RPA3: variants seen among roughly 807,000 people sequenced by gnomAD.
The protein encoded by RPA3 is replication protein A 14 kDa subunit.
In RPA3, 24 loss-of-function variants were observed where a neutral mutation model predicts 13.7. The ratio of observed to expected loss-of-function variants is 1.75; its 90% confidence interval spans 1.27 to 2.46. The LOEUF (loss-of-function observed/expected upper bound fraction) is 2.46, where lower values mean the gene tolerates loss of function less well. Ranked by LOEUF, RPA3 falls within the 30% of genes most tolerant of loss-of-function variation. The pLI, the probability that RPA3 is intolerant of heterozygous loss-of-function variation, is 0.00. For missense variants in RPA3, 183 were observed against 151.0 expected, an observed-to-expected ratio of 1.21 and a Z score of -1.11; for synonymous variants, 59 against 51.2, an observed-to-expected ratio of 1.15 and a Z score of -0.65.
intron 4 of RPA3, among the ~76,000 whole-genome samples, chr7:7,666,806 T>G (rs1779470824): frequency 6.6e-6 from 1 of 152,198 alleles, no homozygotes; most frequent in South Asian, 2.1e-4. Context: ...ATGAATTTAT[T>G]TATTTATTTA....
At chr7:7,714,019 A>T (rs1015474039) in intron 2 of RPA3, among the ~76,000 whole-genome samples, 1 of 152,112 alleles carries the variant, frequency 6.6e-6, no homozygotes, top group South Asian at 2.1e-4. Flanking sequence ...TTCATCGTCA[A>T]TACTTCTTTG....
intron 6 of RPA3, chr7:7,638,311 TACATTA>T (rs1361253565): frequency 6.1e-6 from 1 of 163,406 alleles, no homozygotes; most frequent in Admixed American, 6.3e-5. Flanking sequence ...GTGTTCTGTA[TACATTA>T]ACCAAACAGC....
At chr7:7,700,636 C>G (rs1481699454) in intron 2 of RPA3, among the ~76,000 whole-genome samples, 4 of 152,126 alleles carry the variant, frequency 2.6e-5, no homozygotes, top group Non-Finnish European at 4.4e-5. Context: ...GCCTGTAATC[C>G]TAGTACTTTG....
chr7:7,697,743 A>G (rs1033502427), intron 2 of RPA3, among the ~76,000 whole-genome samples: 2 of 152,182 alleles, frequency 1.3e-5, no homozygotes, highest in African/African-American at 4.8e-5. Flanking sequence ...AGTAAACTGG[A>G]GGATATGAGA....
chr7:7,685,760 CT>C (rs1222192790), intron 4 of RPA3, 69 bp downstream of exon 4: 1 of 152,094 alleles, frequency 6.6e-6, no homozygotes, highest in Non-Finnish European at 1.5e-5. Flanking sequence ...ACTTTCACTC[CT>C]GATCTGAAAA....
intron 4 of RPA3, among the ~76,000 whole-genome samples, chr7:7,656,279 C>A (rs1238034577): frequency 6.6e-6 from 1 of 152,028 alleles, no homozygotes; most frequent in Non-Finnish European, 1.5e-5. Flanking sequence ...AAGTCTCTTG[C>A]TGTTAGTAAA....
At chr7:7,698,699 C>G (rs557288040) in intron 2 of RPA3, among the ~76,000 whole-genome samples, 1 of 152,146 alleles carries the variant, frequency 6.6e-6, no homozygotes, top group African/African-American at 2.4e-5. Flanking sequence ...TTTCAACCTT[C>G]TTTCTCCAGC....
At chr7:7,673,178 TG>T in intron 4 of RPA3, 1 of 701,034 alleles carries the variant, frequency 1.4e-6, no homozygotes, top group Non-Finnish European at 2.5e-6. Flanking sequence ...AGAAGGCTCA[TG>T]GTTTTACATG....
At chr7:7,639,047 G>C in intron 6 of RPA3, 23 bp downstream of exon 6, 1 of 1,557,418 alleles carries the variant, frequency 6.4e-7, no homozygotes, top group East Asian at 2.3e-5. Context: ...ATATATAAGA[G>C]ACTTATTAAC....
intron 4 of RPA3, among the ~76,000 whole-genome samples, chr7:7,661,019 T>G (rs1404111433): frequency 6.8e-6 from 1 of 146,320 alleles, no homozygotes; most frequent in Non-Finnish European, 1.5e-5. Flanking sequence ...GTTTTTTTTT[T>G]GTTTTGTTTT....
At chr7:7,678,056 GTGGACGTCTCTTTGATATGC>G (rs950304056) in intron 4 of RPA3, among the ~76,000 whole-genome samples, 3 of 152,184 alleles carry the variant, frequency 2.0e-5, no homozygotes, top group African/African-American at 7.2e-5. Context: ...ACATGGGAAT[GTGGACGTCTCTTTGATATGC>G]TGATTTCTTC....
rs113337069 is a variant in RPA3 at position 7,637,733 on chromosome 7, A to C, written c.283+131T>G. 1.0e-5 allele frequency: 5 copies of C among 494,448 alleles called. No homozygotes were observed. In the East Asian group the frequency reaches 1.6e-4, roughly 16 times the overall value. 30.6% of individuals were successfully genotyped at this position (494,448 alleles called of 1,614,324 possible). ...GTATGTTATGTAATTACATACAGTT[A>C]TATAAAACTGTATGTTATGTAATTA... On this transcript the variant is annotated intron_variant, in intron 7 of 7. Coordinates refer to ENST00000223129, the MANE Select transcript of RPA3 (RefSeq NM_002947.5).
chr7:7,669,056 A>G (rs1158045077), intron 4 of RPA3, among the ~76,000 whole-genome samples: 1 of 150,464 alleles, frequency 6.6e-6, no homozygotes, highest in Non-Finnish European at 1.5e-5. Flanking sequence ...CTACACATAT[A>G]TAGACAGTGG....
chr7:7,674,418 G>A (rs1393032385), intron 4 of RPA3, among the ~76,000 whole-genome samples: 8 of 152,086 alleles, frequency 5.3e-5, no homozygotes, highest in Admixed American at 2.6e-4. Flanking sequence ...AGTTTTTCTC[G>A]TGGATAAACT....
At chr7:7,661,937 C>G (rs189721148) in intron 4 of RPA3, among the ~76,000 whole-genome samples, 116 of 152,290 alleles carry the variant, frequency 7.6e-4, no homozygotes, top group African/African-American at 2.6e-3. Context: ...TGCTCTGTCC[C>G]TGGGAGATGG....
intron 2 of RPA3, among the ~76,000 whole-genome samples, chr7:7,697,110 T>G (rs1780339257): frequency 1.3e-5 from 2 of 152,162 alleles, no homozygotes; most frequent in African/African-American, 4.8e-5. Flanking sequence ...TCAGATTGTT[T>G]TGCTTTTCTT....
intron 2 of RPA3, among the ~76,000 whole-genome samples, chr7:7,703,116 T>G (rs561830348): frequency 2.3e-4 from 35 of 152,324 alleles, no homozygotes; most frequent in African/African-American, 8.2e-4. Context: ...GAATGACTCT[T>G]CATATAATTG....
At chr7:7,703,730 A>G (rs1780524790) in intron 2 of RPA3, among the ~76,000 whole-genome samples, 2 of 152,148 alleles carry the variant, frequency 1.3e-5, no homozygotes, top group Admixed American at 1.3e-4. Flanking sequence ...GCTTGAGCCC[A>G]GGAGTTTGAG....
chr7:7,642,904 T>C (rs537615957), intron 4 of RPA3, among the ~76,000 whole-genome samples: 1 of 152,372 alleles, frequency 6.6e-6, no homozygotes, highest in East Asian at 1.9e-4. Context: ...TGGTATGTTG[T>C]TTAATATTGC....
Sources: allele counts gnomAD v4.1 joint callset (sites outside exome capture counted in the v4.1 genomes callset), GRCh38; gene constraint gnomAD v4.1.1; transcripts MANE v1.5; gene names NCBI Gene and HGNC (gene_info 2026-07-23, HGNC 2026-07-21).